Variants in ITPK1 observed in about 807,000 individuals in gnomAD.
The protein encoded by ITPK1 is inositol 1,3,4-trisphosphate 5/6-kinase.
ITPK1 carries 21 observed loss-of-function variants against 45.3 expected under a neutral mutation model. The observed-to-expected ratio is 0.46, with a 90% CI of 0.33 to 0.67. The LOEUF is 0.67. ITPK1 is among the 30% of genes least tolerant of loss of function. The pLI is 0.02. For missense variants in ITPK1, 474 were observed against 573.5 expected, an observed-to-expected ratio of 0.83 and a Z score of 1.77; for synonymous variants, 258 against 253.6, an observed-to-expected ratio of 1.02 and a Z score of -0.16.
chr14:92,945,677 C>A (rs1224892565), intron 10 of ITPK1, among the ~76,000 whole-genome samples: 2 of 152,204 alleles, frequency 1.3e-5, no homozygotes, highest in African/African-American at 4.8e-5. Context: ...GCTGTGATGT[C>A]ACACCATCGT....
chr14:93,015,962 C>T (rs1254167398), intron 4 of ITPK1, among the ~76,000 whole-genome samples: 6 of 152,356 alleles, frequency 3.9e-5, no homozygotes, highest in East Asian at 1.9e-4. Context: ...CACCTGAAAA[C>T]AGCTACCATC....
chr14:92,965,655 T>C (rs1885304954), intron 5 of ITPK1, among the ~76,000 whole-genome samples: 1 of 152,256 alleles, frequency 6.6e-6, no homozygotes, highest in African/African-American at 2.4e-5. Context: ...TTAGCAAGGT[T>C]GCAGGATACA....
chr14:92,943,871 A>G (rs577453055), intron 10 of ITPK1, among the ~76,000 whole-genome samples: 2 of 152,338 alleles, frequency 1.3e-5, no homozygotes, highest in East Asian at 1.9e-4. Context: ...GTGCCATCAC[A>G]GACTGTAAAG....
intron 4 of ITPK1, among the ~76,000 whole-genome samples, chr14:93,005,361 G>GGGT (rs1380543649): frequency 6.6e-6 from 1 of 152,194 alleles, no homozygotes; most frequent in African/African-American, 2.4e-5. Flanking sequence ...GCTCAGGCTG[G>GGGT]GGTGGTCAGA....
chr14:93,082,341 T>C (rs913679100), intron 2 of ITPK1, among the ~76,000 whole-genome samples: 1 of 152,170 alleles, frequency 6.6e-6, no homozygotes, highest in Non-Finnish European at 1.5e-5. Context: ...AGCCCAGGAC[T>C]GAGCTTCGCA....
chr14:93,010,046 C>T (rs1034393722), intron 4 of ITPK1, among the ~76,000 whole-genome samples: 2 of 152,116 alleles, frequency 1.3e-5, no homozygotes, highest in Non-Finnish European at 2.9e-5. Context: ...TGAGAACGCC[C>T]GTGGCAGAAT....
Position 93,014,857 on chromosome 14 carries a change from A to G in ITPK1, c.246+1819T>C, listed in dbSNP as rs1888093231. Among the ~76,000 whole-genome samples the G allele has an allele frequency of 6.6e-6, 1 of 152,262 alleles. No individual in the cohort carries two copies. Among genetic ancestry groups the G allele is most frequent in the Admixed American group, 6.5e-5 (1 of 15,286 alleles). ...GCTTGGTAAGCGGTAACTGCTCTGC[A>G]GTGCTTTCTGAGGTAACGGTAATCA... On this transcript the variant is annotated intron_variant, in intron 4 of 10. Transcript: ENST00000267615. This position sits in a 1 kb window ranked among gnomAD's most constrained non-coding sequence, Gnocchi z 4.4.
At chr14:93,023,530 A>G (rs1888575569) in intron 3 of ITPK1, among the ~76,000 whole-genome samples, 1 of 152,236 alleles carries the variant, frequency 6.6e-6, no homozygotes, top group Non-Finnish European at 1.5e-5. Context: ...ATCTGTCCTC[A>G]TAAAATAGCT....
chr14:93,079,422 C>A (rs1595196153), intron 2 of ITPK1, among the ~76,000 whole-genome samples: 2 of 152,196 alleles, frequency 1.3e-5, no homozygotes, highest in Non-Finnish European at 2.9e-5. Context: ...CAGAGCAGGC[C>A]GAGGCCTGGG....
intron 2 of ITPK1, among the ~76,000 whole-genome samples, chr14:93,078,932 G>A (rs1289587101): frequency 6.6e-6 from 1 of 152,158 alleles, no homozygotes; most frequent in East Asian, 1.9e-4. Context: ...CACCGAGACT[G>A]TGAACCGCAC....
At position 92,940,753 on chromosome 14, in the gene ITPK1, C is replaced by T; in HGVS notation, c.*808G>A. 1.6e-6 allele frequency: 2 copies of T among 1,289,126 alleles called. No homozygotes were observed. The highest frequency in any genetic ancestry group is 2.0e-6 in the Non-Finnish European group (2 of 988,708). The allele number at this position is 1,289,126 out of a possible 1,614,324, so 79.9% of individuals were successfully genotyped here. On this transcript the variant is annotated 3_prime_UTR_variant, in exon 11 of 11. Transcript: ENST00000267615. ...GGCCCAAAGACCTGGAATGATTTGCCCAAATCACAGCACAAATCCTCAGCA... is the reference window on the plus strand; with the variant it reads ...GGCCCAAAGACCTGGAATGATTTGCTCAAATCACAGCACAAATCCTCAGCA...
At position 92,958,764 on chromosome 14, in the gene ITPK1, T is replaced by C. The variant is rs1320013398; in HGVS notation, c.505-398A>G. Among the ~76,000 whole-genome samples, 1 of 152,170 alleles carries C rather than the reference T, an allele frequency of 6.6e-6. No individual in the cohort carries two copies. The highest frequency in any genetic ancestry group is 2.4e-5 in the African/African-American group (1 of 41,430). ...GACCCGGGAGGAGGAAGGAAGCAGATGACTCGGGCGCAGGAGTCAGGAGGC... is the reference window on the plus strand; with the variant it reads ...GACCCGGGAGGAGGAAGGAAGCAGACGACTCGGGCGCAGGAGTCAGGAGGC... On this transcript the variant is annotated intron_variant, in intron 7 of 10. Transcript: ENST00000267615. The surrounding 1 kb of genome is among the most constrained non-coding windows in gnomAD (Gnocchi z 4.4).
intron 4 of ITPK1, among the ~76,000 whole-genome samples, chr14:93,007,032 A>G (rs988679235): frequency 1.3e-5 from 2 of 152,254 alleles, no homozygotes; most frequent in African/African-American, 4.8e-5. Context: ...AGGATCCCGC[A>G]GGATGAAGGG....
chr14:92,987,613 T>C (rs1291202181), intron 5 of ITPK1, among the ~76,000 whole-genome samples: 1 of 152,106 alleles, frequency 6.6e-6, no homozygotes, highest in Non-Finnish European at 1.5e-5. Flanking sequence ...GGGAACAGGG[T>C]GAGCTTTGGC....
chr14:93,034,286 C>T lies in ITPK1; in HGVS notation c.121-17485G>A, dbSNP rs956463789. Among the ~76,000 whole-genome samples, 1 of 144,438 alleles carries T rather than the reference C, an allele frequency of 6.9e-6. No homozygotes were observed. Among genetic ancestry groups the T allele is most frequent in the Non-Finnish European group, 1.5e-5 (1 of 65,848 alleles). 94.8% of individuals were successfully genotyped at this position (144,438 alleles called of 152,430 possible). A position where few individuals can be genotyped will look rare whatever the true frequency, so the allele number is the denominator to read the frequency against. On this transcript the variant is annotated intron_variant, in intron 3 of 10. Coordinates refer to ENST00000267615, the MANE Select transcript of ITPK1 (RefSeq NM_014216.6). This position sits in a 1 kb window ranked among gnomAD's most constrained non-coding sequence, Gnocchi z 4.1. ...CCCCCAACACTCCCCCACCCCCTGTCGGAGCAGGAAGATGCTCTGGAAAAC... is the reference window on the plus strand; with the variant it reads ...CCCCCAACACTCCCCCACCCCCTGTTGGAGCAGGAAGATGCTCTGGAAAAC...
At chr14:92,944,403 G>A (rs767351013) in intron 10 of ITPK1, among the ~76,000 whole-genome samples, 1 of 152,072 alleles carries the variant, frequency 6.6e-6, no homozygotes, top group African/African-American at 2.4e-5. Flanking sequence ...CATCTGGGTG[G>A]CCCTTCTCTT....
chr14:93,057,553 C>T (rs1595174493), intron 3 of ITPK1, among the ~76,000 whole-genome samples: 1 of 152,314 alleles, frequency 6.6e-6, no homozygotes, highest in East Asian at 1.9e-4. Flanking sequence ...AACAGACGTG[C>T]GAGTACACCT....
intron 3 of ITPK1, among the ~76,000 whole-genome samples, chr14:93,024,244 G>T (rs1305419790): frequency 6.6e-6 from 1 of 152,156 alleles, no homozygotes; most frequent in South Asian, 2.1e-4. Flanking sequence ...CTCCTCCATG[G>T]CTGGCCAGTG....
intron 5 of ITPK1, among the ~76,000 whole-genome samples, chr14:92,976,631 A>C (rs1180273415): frequency 6.6e-6 from 1 of 152,256 alleles, no homozygotes; most frequent in Admixed American, 6.5e-5. Flanking sequence ...AACAATAACC[A>C]GACAAGCAAT....
Sources: gnomAD v4.1 joint callset for allele counts (sites outside exome capture counted in the v4.1 genomes callset) on GRCh38, gnomAD v4.1.1 for gene constraint, Gnocchi (gnomAD v3.1) non-coding constraint, MANE v1.5 for transcripts, NCBI Gene and HGNC (gene_info 2026-07-23, HGNC 2026-07-21) for gene names.